The following B3GALT1 variants were observed in gnomAD, a reference collection of about 807,000 sequenced individuals.
B3GALT1 encodes beta-1,3-galactosyltransferase 1.
A neutral mutation model predicts 23.2 loss-of-function variants in B3GALT1; 10 were observed. The observed-to-expected ratio is 0.43, with a 90% CI of 0.27 to 0.73. The LOEUF (loss-of-function observed/expected upper bound fraction) is 0.73. Among genes scored for constraint, B3GALT1 ranks in the 30% least tolerant of loss-of-function variants. The pLI, the probability that B3GALT1 is intolerant of heterozygous loss-of-function variation, is 0.21. For missense variants in B3GALT1, 299 were observed against 405.4 expected (o/e 0.74, Z 2.25); for synonymous variants, 156 against 141.5 (o/e 1.10, Z -0.73).
At position 167,309,954 on chromosome 2, in the gene B3GALT1, G is replaced by A. The variant is rs78840443; in HGVS notation, c.-511+16620G>A. ...CATGCAGTACATACTAGTTTTAACA[G>A]CAATGTCATGTACATACCACAAAAG... On this transcript the variant is annotated intron_variant, in intron 1 of 4. Coordinates refer to ENST00000392690, the MANE Select transcript of B3GALT1 (RefSeq NM_020981.4). Among the ~76,000 whole-genome samples, 508 of 152,090 alleles carry A rather than the reference G, an allele frequency of 3.3e-3. 21 individuals are homozygous for A. The East Asian group carries it at 0.065, about 19-fold the overall frequency.
chr2:167,615,433 C>T (rs1308124395), intron 2 of B3GALT1, among the ~76,000 whole-genome samples: 1 of 151,752 alleles, frequency 6.6e-6, no homozygotes, highest in Non-Finnish European at 1.5e-5. Flanking sequence ...TCAAAGGATA[C>T]AAAATTTCAG....
At chr2:167,445,941 G>A (rs1426583535) in intron 1 of B3GALT1, among the ~76,000 whole-genome samples, 1 of 152,158 alleles carries the variant, frequency 6.6e-6, no homozygotes, top group Non-Finnish European at 1.5e-5. Flanking sequence ...GTTAGTTGAT[G>A]CAGTTTCTTC....
intron 4 of B3GALT1, among the ~76,000 whole-genome samples, chr2:167,836,443 T>C (rs1446278394): frequency 6.6e-6 from 1 of 151,830 alleles, no homozygotes; most frequent in Non-Finnish European, 1.5e-5. Context: ...GAAGATGAAA[T>C]GAATGAAATG....
chr2:167,697,767 A>G (rs1242280453), intron 3 of B3GALT1, among the ~76,000 whole-genome samples: 1 of 152,240 alleles, frequency 6.6e-6, no homozygotes, highest in African/African-American at 2.4e-5. Flanking sequence ...CCATGAGAGC[A>G]TAGCTCAAGA....
intron 3 of B3GALT1, among the ~76,000 whole-genome samples, chr2:167,791,378 A>G (rs1279798742): frequency 6.6e-6 from 1 of 152,204 alleles, no homozygotes; most frequent in Non-Finnish European, 1.5e-5. Flanking sequence ...TTAGATATGG[A>G]AGGAAATTAG....
chr2:167,374,061 A>G (rs1697726646), intron 1 of B3GALT1, among the ~76,000 whole-genome samples: 1 of 152,094 alleles, frequency 6.6e-6, no homozygotes, highest in Admixed American at 6.6e-5. Context: ...TGCCATCTTT[A>G]TGTCCATGAG....
chr2:167,779,156 A>G (rs1688208586), intron 3 of B3GALT1, among the ~76,000 whole-genome samples: 2 of 51,102 alleles, frequency 3.9e-5, no homozygotes, highest in African/African-American at 2.8e-4. Flanking sequence ...CTTTTCATAT[A>G]TGCCAGATGT....
intron 3 of B3GALT1, among the ~76,000 whole-genome samples, chr2:167,698,992 C>G (rs183433663): frequency 2.1e-4 from 32 of 151,998 alleles, no homozygotes; most frequent in African/African-American, 7.5e-4. Flanking sequence ...ACAAAAATGA[C>G]GAGAGAATAA....
At chr2:167,839,992 C>T (rs1431577291) in intron 4 of B3GALT1, among the ~76,000 whole-genome samples, 1 of 152,086 alleles carries the variant, frequency 6.6e-6, no homozygotes, top group Admixed American at 6.5e-5. Context: ...AAAGCTGAAA[C>T]TGGATCCCTT....
intron 1 of B3GALT1, among the ~76,000 whole-genome samples, chr2:167,452,951 C>T (rs1213032739): frequency 6.6e-6 from 1 of 152,184 alleles, no homozygotes; most frequent in Non-Finnish European, 1.5e-5. Context: ...TGCCTGATAT[C>T]AGTAGTTGCT....
At chr2:167,779,873 G>T (rs1200313518) in intron 3 of B3GALT1, among the ~76,000 whole-genome samples, 1 of 152,146 alleles carries the variant, frequency 6.6e-6, no homozygotes, top group Non-Finnish European at 1.5e-5. Flanking sequence ...TCAGAGAATT[G>T]AGGAAAACTA....
chr2:167,377,422 T>C (rs956436898), intron 1 of B3GALT1, among the ~76,000 whole-genome samples: 4 of 152,120 alleles, frequency 2.6e-5, no homozygotes, highest in African/African-American at 9.7e-5. Context: ...ACTGGTGTCA[T>C]TGGGGTGTTG....
At chr2:167,786,048 TTC>T (rs1558978613) in intron 3 of B3GALT1, among the ~76,000 whole-genome samples, 1 of 152,240 alleles carries the variant, frequency 6.6e-6, no homozygotes, top group Non-Finnish European at 1.5e-5. Flanking sequence ...TAGTCAGATT[TTC>T]TGAGTCACTA....
chr2:167,783,780 C>T (rs1345273695), intron 3 of B3GALT1, among the ~76,000 whole-genome samples: 2 of 152,132 alleles, frequency 1.3e-5, no homozygotes, highest in African/African-American at 4.8e-5. Context: ...CCAAGTCCTG[C>T]AGTCAGGTGA....
intron 1 of B3GALT1, among the ~76,000 whole-genome samples, chr2:167,434,566 T>TGG (rs1387177791): frequency 6.7e-6 from 1 of 149,244 alleles, no homozygotes; most frequent in Non-Finnish European, 1.5e-5. Context: ...ACCATTACCA[T>TGG]ACGTAAAATA....
intron 2 of B3GALT1, among the ~76,000 whole-genome samples, chr2:167,535,538 C>T (rs1330431117): frequency 6.6e-6 from 1 of 151,116 alleles, no homozygotes; most frequent in Non-Finnish European, 1.5e-5. Context: ...CAGAAAGAGG[C>T]AGCTCAGTCT....
intron 3 of B3GALT1, among the ~76,000 whole-genome samples, chr2:167,745,503 T>C (rs1425871485): frequency 6.6e-6 from 1 of 152,182 alleles, no homozygotes; most frequent in African/African-American, 2.4e-5. Flanking sequence ...CATTTTGTTG[T>C]TTGCTTATTT....
intron 2 of B3GALT1, among the ~76,000 whole-genome samples, chr2:167,589,386 T>C (rs141952096): frequency 2.0e-5 from 3 of 152,302 alleles, no homozygotes; most frequent in Non-Finnish European, 4.4e-5. Flanking sequence ...TCAATATTAT[T>C]TTTAGGACAG....
intron 4 of B3GALT1, among the ~76,000 whole-genome samples, chr2:167,822,001 A>G (rs1222080802): frequency 1.3e-5 from 2 of 152,208 alleles, no homozygotes; most frequent in African/African-American, 4.8e-5. Flanking sequence ...AGGTGCTTTC[A>G]TATGCATTAC....
Sources: gnomAD v4.1 joint callset for allele counts (sites outside exome capture counted in the v4.1 genomes callset) on GRCh38, gnomAD v4.1.1 for gene constraint, MANE v1.5 for transcripts, NCBI Gene and HGNC (gene_info 2026-07-23, HGNC 2026-07-21) for gene names.